Variants in MNDA observed in about 807,000 individuals in gnomAD.
The protein encoded by MNDA is epididymis secretory sperm binding protein.
Under a neutral mutation model 37.8 loss-of-function variants are expected in MNDA, and 43 were observed. The ratio of observed to expected loss-of-function variants is 1.14; its 90% CI spans 0.89 to 1.47. The LOEUF (loss-of-function observed/expected upper bound fraction) is 1.47, where lower values mean the gene tolerates loss of function less well. Ranked by LOEUF, MNDA falls within the 40% of genes most tolerant of loss-of-function variation. The pLI, the probability that MNDA is intolerant of heterozygous loss-of-function variation, is 0.00. For synonymous variants in MNDA, 181 were observed against 169.0 expected (o/e 1.07, Z -0.55); for missense variants, 536 against 476.0 (o/e 1.13, Z -1.17).
chr1:158,845,983 G>A lies in MNDA; in HGVS notation c.967G>A (p.Gly323Arg), dbSNP rs1344046129. 3.1e-6 allele frequency: 5 copies of A among 1,606,606 alleles called. No individual in the cohort carries two copies. The highest frequency in any genetic ancestry group is 2.2e-5 in the East Asian group (1 of 44,796). The stretch of plus-strand genomic sequence containing the variant: ...GCAAGCATCTGGAACAATGGTGTAT[G>A]GGTTGTTTATGTTACAAAAGGTAAA... Reference protein sequence around the residue: ...YKQASGTMVYGLFMLQKKSVH... With the variant: ...YKQASGTMVYRLFMLQKKSVH... Residue 323 changes from glycine to arginine, a missense_variant, in exon 5 of 7, where the codon GGG (glycine) becomes AGG (arginine). Coordinates refer to ENST00000368141, the MANE Select transcript of MNDA (RefSeq NM_002432.3).
In MNDA at chr1:158,831,362, G is replaced by A. The variant is rs978384183; in HGVS notation, c.-216G>A. ...TTAGGAATTAGGACAGTGTAAGAAGGCCATCTACAATCAAGATTGAGAGTG... is the reference window on the plus strand; with the variant it reads ...TTAGGAATTAGGACAGTGTAAGAAGACCATCTACAATCAAGATTGAGAGTG... On this transcript the variant is annotated 5_prime_UTR_variant, in exon 1 of 7. Coordinates refer to ENST00000368141, the MANE Select transcript of MNDA (RefSeq NM_002432.3). 2.0e-5 allele frequency: 3 copies of A among 152,236 alleles called. No individual in the cohort carries two copies. Among genetic ancestry groups the A allele is most frequent in the Middle Eastern group, 3.4e-3 (1 of 294 alleles). 9.4% of individuals were successfully genotyped at this position (152,236 alleles called of 1,614,324 possible). A position where few individuals can be genotyped will look rare whatever the true frequency, so the allele number is the denominator to read the frequency against.
intron 1 of MNDA, 78 bp from the exon 2 acceptor site, chr1:158,842,052 ACACT>A (rs1274031697): frequency 7.9e-7 from 1 of 1,266,288 alleles, no homozygotes; most frequent in Non-Finnish European, 1.1e-6. Flanking sequence ...TTGGCCTGGG[ACACT>A]CACTCACAAA....
Position 158,845,663 on chromosome 1 carries a change from T to C in MNDA, c.647T>C (p.Val216Ala). 6.2e-7 allele frequency: 1 copy of C among 1,614,084 alleles called. No individual in the cohort carries two copies. The highest frequency in any genetic ancestry group is 8.5e-7 in the Non-Finnish European group (1 of 1,179,980). The stretch of plus-strand genomic sequence containing the variant: ...CAAAACGACCCAGTGACAGTGGTGG[T>C]ACTGAAAGCAACAGCGCCATTTAAA... ...VPQNDPVTVV[V>A]LKATAPFKYE... The change falls in exon 5 of 7, where the codon GTA becomes GCA. Residue 216 changes from valine to alanine, a missense_variant. By Grantham distance (64) the Val-to-Ala change is moderately conservative. Transcript: ENST00000368141.
At chr1:158,843,484 T>A in intron 3 of MNDA, 69 bp downstream of exon 3, 3 of 1,431,494 alleles carry the variant, frequency 2.1e-6, no homozygotes, top group Non-Finnish European at 2.8e-6. Flanking sequence ...CGTGGCTCTT[T>A]ACTAATATCT....
In MNDA at chr1:158,831,359, A is replaced by G. The variant is rs1385673571; in HGVS notation, c.-219A>G. ...TAGTTAGGAATTAGGACAGTGTAAGAAGGCCATCTACAATCAAGATTGAGA... is the reference window on the plus strand; with the variant it reads ...TAGTTAGGAATTAGGACAGTGTAAGGAGGCCATCTACAATCAAGATTGAGA... On this transcript the variant is annotated 5_prime_UTR_variant, in exon 1 of 7. Transcript: ENST00000368141. The G allele has an allele frequency of 2.0e-5, 3 of 152,234 alleles. No homozygotes were observed. Among genetic ancestry groups the G allele is most frequent in the African/African-American group, 7.2e-5 (3 of 41,452 alleles). The allele number at this position is 152,234 out of a possible 1,614,324, so 9.4% of individuals were successfully genotyped here.
chr1:158,842,468 T>G, intron 2 of MNDA, 50 bp downstream of exon 2: 2 of 1,549,706 alleles, frequency 1.3e-6, no homozygotes, highest in Non-Finnish European at 1.7e-6. Context: ...GTCTCCCCAG[T>G]CTTCAGTAGA....
intron 4 of MNDA, among the ~76,000 whole-genome samples, chr1:158,845,319 G>A (rs1659111011): frequency 6.6e-6 from 1 of 152,102 alleles, no homozygotes; most frequent in South Asian, 2.1e-4. Flanking sequence ...CTCACTGCAA[G>A]CTCCGCCTCC....
Position 158,846,011 on chromosome 1 carries a change from C to A in MNDA, c.987+8C>A. 3 of 1,569,996 alleles carry A rather than the reference C, an allele frequency of 1.9e-6. No individual in the cohort carries two copies. Among genetic ancestry groups the A allele is most frequent in the Non-Finnish European group, 1.7e-6 (2 of 1,160,058 alleles). On this transcript the variant is annotated splice_region_variant and intron_variant, in intron 5 of 6. Coordinates refer to ENST00000368141, the MANE Select transcript of MNDA (RefSeq NM_002432.3). The stretch of plus-strand genomic sequence containing the variant: ...TTGTTTATGTTACAAAAGGTAAACC[C>A]TTAATTTTGTTTTAATTTTCTCTAC...
chr1:158,837,199 ATC>A (rs895240788), intron 1 of MNDA, among the ~76,000 whole-genome samples: 5 of 151,884 alleles, frequency 3.3e-5, no homozygotes, highest in Non-Finnish European at 7.4e-5. Context: ...TTTTGGATAT[ATC>A]TGTTAGATAT....
chr1:158,848,450 A>G (rs1056581086), intron 6 of MNDA, among the ~76,000 whole-genome samples: 1 of 152,170 alleles, frequency 6.6e-6, no homozygotes, highest in East Asian at 1.9e-4. Context: ...GAAAATTCCA[A>G]AAGTGTGACA....
chr1:158,836,949 G>A (rs1230379336), intron 1 of MNDA, among the ~76,000 whole-genome samples: 1 of 151,626 alleles, frequency 6.6e-6, no homozygotes, highest in East Asian at 1.9e-4. Flanking sequence ...TTTGACTTGT[G>A]ATTCTTTGTA....
Position 158,845,046 on chromosome 1 carries a change from A to G in MNDA, c.571-541A>G, listed in dbSNP as rs931844916. On this transcript the variant is annotated intron_variant, in intron 4 of 6. Coordinates refer to ENST00000368141, the MANE Select transcript of MNDA (RefSeq NM_002432.3). ...TTAATTTCCAAGCCTGTTGTCTGTT[A>G]CCTTAGGCTTTCAGTAGCTAAACTT... 3.9e-4 allele frequency among the ~76,000 whole-genome samples: 59 copies of G among 152,252 alleles called. 1 individual carries two copies. Among genetic ancestry groups the G allele is most frequent in the Middle Eastern group, 6.8e-3 (2 of 294 alleles).
chr1:158,847,621 C>G (rs549669947), intron 5 of MNDA, 107 bp from the exon 6 acceptor site: 1 of 1,035,616 alleles, frequency 9.7e-7, no homozygotes, highest in African/African-American at 1.6e-5. Flanking sequence ...TGATCTGTAC[C>G]TGTCATTCCT....
chr1:158,841,565 C>T (rs189136124), intron 1 of MNDA, among the ~76,000 whole-genome samples: 3 of 152,210 alleles, frequency 2.0e-5, no homozygotes, highest in African/African-American at 2.4e-5. Flanking sequence ...AAGTTCTAAG[C>T]CCCAGGGAGA....
Position 158,836,322 on chromosome 1 carries a change from T to G in MNDA, c.-21+4765T>G, listed in dbSNP as rs116593945. Among the ~76,000 whole-genome samples, 660 of 152,136 alleles carry G rather than the reference T, an allele frequency of 4.3e-3. 3 individuals carry two copies. The highest frequency in any genetic ancestry group is 0.015 in the African/African-American group (617 of 41,550). On this transcript the variant is annotated intron_variant, in intron 1 of 6. Transcript: ENST00000368141. Reference sequence around the variant, plus strand: ...TTGGTCTTAATTCTTCTTTATATATTTGGTAGAATTTACCAGTAAAACCAC... The same window carrying G: ...TTGGTCTTAATTCTTCTTTATATATGTGGTAGAATTTACCAGTAAAACCAC...
chr1:158,842,417 A>T lies in MNDA; in HGVS notation c.264A>T (p.Lys88Asn). The stretch of plus-strand genomic sequence containing the variant: ...ACAATCTTCGAAAAGAGAAGTCAAA[A>T]GGTAATAGAGAAAACCTTGCACATA... ...LVNNLRKEKS[K>N]VAKKIKTQEK... Residue 88 changes from lysine to asparagine, a missense_variant and splice_region_variant, in exon 2 of 7, where the codon AAA becomes AAT. Lys to Asn is a moderately conservative substitution (Grantham distance 94). Transcript: ENST00000368141. 1 of 1,608,348 alleles carries T rather than the reference A, an allele frequency of 6.2e-7. No individual in the cohort carries two copies. Among genetic ancestry groups the T allele is most frequent in the Non-Finnish European group, 8.5e-7 (1 of 1,177,758 alleles).
intron 1 of MNDA, among the ~76,000 whole-genome samples, chr1:158,831,971 T>C (rs1051058205): frequency 1.3e-5 from 2 of 152,188 alleles, no homozygotes; most frequent in Non-Finnish European, 2.9e-5. Context: ...TATTATATGA[T>C]TTTATCTCTA....
Position 158,843,417 on chromosome 1 carries a change from TA to T in MNDA, c.402+4del, listed in dbSNP as rs1659070384. 1.9e-6 allele frequency: 3 copies of T among 1,601,906 alleles called. No individual in the cohort carries two copies. The East Asian group carries it at 6.7e-5, about 36-fold the overall frequency. ...AGAGGGAGGATTCCTGTAGCTCAGG[TA>T]AGCTTGAGAAAGAGGAGCAGGACTG... On this transcript the variant is annotated splice_donor_region_variant and intron_variant, in intron 3 of 6. Coordinates refer to ENST00000368141, the MANE Select transcript of MNDA (RefSeq NM_002432.3).
intron 1 of MNDA, among the ~76,000 whole-genome samples, chr1:158,835,620 GC>G (rs143401740): frequency 0.56 from 50,536 of 90,994 alleles, 12,050 homozygotes; most frequent in East Asian, 0.61. Flanking sequence ...TTTGGTGGGG[GC>G]GGGGGGTGGG....
Sources: allele counts gnomAD v4.1 joint callset (sites outside exome capture counted in the v4.1 genomes callset), GRCh38; gene constraint gnomAD v4.1.1; transcripts MANE v1.5; gene names NCBI Gene and HGNC (gene_info 2026-07-23, HGNC 2026-07-21).